Variants in PCDH9 observed in about 807,000 individuals in gnomAD.
PCDH9 encodes the protein protocadherin 9.
A neutral mutation model predicts 70.6 loss-of-function variants in PCDH9; 24 were observed. The ratio of observed to expected loss-of-function variants is 0.34; its 90% CI spans 0.25 to 0.48. The LOEUF is 0.48. PCDH9 is among the 20% of genes least tolerant of loss of function. The pLI is 0.99. For synonymous variants in PCDH9, 562 were observed against 558.5 expected (o/e 1.01, Z -0.09); for missense variants, 1,281 against 1,503.6 (o/e 0.85, Z 2.45).
intron 3 of PCDH9, among the ~76,000 whole-genome samples, chr13:66,829,132 C>G (rs946396238): frequency 6.6e-5 from 10 of 152,034 alleles, no homozygotes; most frequent in Non-Finnish European, 1.2e-4. Context: ...ATTCTCCTGC[C>G]GCAGCTTCCC....
intron 4 of PCDH9, among the ~76,000 whole-genome samples, chr13:66,603,394 T>A (rs1313910730): frequency 6.6e-6 from 1 of 152,030 alleles, no homozygotes; most frequent in South Asian, 2.1e-4. Flanking sequence ...ACATTTAGCA[T>A]CATCTTTCTA....
At chr13:67,029,774 T>C (rs963851883) in intron 2 of PCDH9, among the ~76,000 whole-genome samples, 4 of 152,200 alleles carry the variant, frequency 2.6e-5, no homozygotes, top group Admixed American at 2.6e-4. Context: ...CTCATTACTC[T>C]CCATTTTTCT....
At chr13:66,367,588 T>G (rs1470509500) in intron 4 of PCDH9, among the ~76,000 whole-genome samples, 1 of 151,876 alleles carries the variant, frequency 6.6e-6, no homozygotes, top group African/African-American at 2.4e-5. Context: ...AGGTGGCCAG[T>G]GGGAGGAAAA....
intron 2 of PCDH9, among the ~76,000 whole-genome samples, chr13:66,972,333 A>G (rs1156670048): frequency 6.6e-6 from 1 of 151,986 alleles, no homozygotes; most frequent in Admixed American, 6.6e-5. Context: ...CACAAATAGT[A>G]GTAGAAGAGG....
intron 2 of PCDH9, among the ~76,000 whole-genome samples, chr13:66,920,170 T>C (rs2082616954): frequency 6.6e-6 from 1 of 151,174 alleles, no homozygotes; most frequent in Admixed American, 6.6e-5. Context: ...AACCCACACA[T>C]TTTAAGACAT....
chr13:66,856,670 A>G (rs1387573958), intron 3 of PCDH9, among the ~76,000 whole-genome samples: 1 of 152,010 alleles, frequency 6.6e-6, no homozygotes, highest in East Asian at 1.9e-4. Flanking sequence ...GAGGCCCACA[A>G]ATTAGTAGGC....
intron 3 of PCDH9, among the ~76,000 whole-genome samples, chr13:66,752,243 T>C (rs914372261): frequency 7.2e-5 from 11 of 152,232 alleles, no homozygotes; most frequent in African/African-American, 2.4e-4. Flanking sequence ...GTCTAGTATA[T>C]GTCATGTCTT....
intron 4 of PCDH9, among the ~76,000 whole-genome samples, chr13:66,610,748 T>TCATGTTAC (rs1236297142): frequency 1.3e-5 from 2 of 152,196 alleles, no homozygotes; most frequent in African/African-American, 4.8e-5. Flanking sequence ...GCACCTTCTT[T>TCATGTTAC]CATGTTACGT....
intron 4 of PCDH9, among the ~76,000 whole-genome samples, chr13:66,562,486 C>T (rs1338334639): frequency 6.6e-6 from 1 of 152,140 alleles, no homozygotes; most frequent in Admixed American, 6.5e-5. Flanking sequence ...GGGGAGGCCT[C>T]ACAATCATGG....
intron 4 of PCDH9, among the ~76,000 whole-genome samples, chr13:66,492,008 T>G (rs1239159423): frequency 6.6e-6 from 1 of 152,098 alleles, no homozygotes; most frequent in Non-Finnish European, 1.5e-5. Flanking sequence ...AAAGTTTGGT[T>G]CTCAAATGGG....
intron 2 of PCDH9, among the ~76,000 whole-genome samples, chr13:67,034,126 AG>A (rs1481683776): frequency 6.6e-6 from 1 of 152,082 alleles, no homozygotes; most frequent in African/African-American, 2.4e-5. Flanking sequence ...CTGGGATTAC[AG>A]GTGCATGCCA....
intron 3 of PCDH9, among the ~76,000 whole-genome samples, chr13:66,875,893 C>T (rs1468680253): frequency 3.3e-5 from 5 of 152,132 alleles, no homozygotes; most frequent in Non-Finnish European, 7.3e-5. Flanking sequence ...ACACATGTTA[C>T]GTGTCAGGCA....
chr13:66,924,538 A>G (rs1330309291), intron 2 of PCDH9, among the ~76,000 whole-genome samples: 1 of 151,754 alleles, frequency 6.6e-6, no homozygotes, highest in African/African-American at 2.4e-5. Context: ...TAAATATACT[A>G]GAGACGTTCT....
At chr13:66,595,243 T>C (rs1275622485) in intron 4 of PCDH9, among the ~76,000 whole-genome samples, 1 of 151,616 alleles carries the variant, frequency 6.6e-6, no homozygotes, top group Non-Finnish European at 1.5e-5. Context: ...CTAACTTTTG[T>C]GGGAACCTTG....
chr13:67,082,845 G>C (rs1257496674), intron 2 of PCDH9, among the ~76,000 whole-genome samples: 2 of 152,062 alleles, frequency 1.3e-5, no homozygotes, highest in African/African-American at 4.8e-5. Flanking sequence ...ATTTGTAAAG[G>C]ATAGACCAAA....
At chr13:67,010,894 G>C (rs566695004) in intron 2 of PCDH9, among the ~76,000 whole-genome samples, 1 of 151,982 alleles carries the variant, frequency 6.6e-6, no homozygotes, top group African/African-American at 2.4e-5. Context: ...TAGATATTTA[G>C]TTCTATTTTT....
At chr13:66,959,245 T>G (rs1015085769) in intron 2 of PCDH9, among the ~76,000 whole-genome samples, 3 of 152,186 alleles carry the variant, frequency 2.0e-5, no homozygotes, top group African/African-American at 7.2e-5. Context: ...TCCAAAAATC[T>G]TAAATGAATT....
rs551537851 is a variant in PCDH9, at chr13:66,986,055, A to G, written c.3037-82450T>C. 2.0e-5 allele frequency among the ~76,000 whole-genome samples: 3 copies of G among 152,182 alleles called. No individual in the cohort carries two copies. The South Asian group carries it at 6.2e-4, about 31-fold the overall frequency. ...GAGACTGGGTAATTAATTTTAAAAA[A>G]GGTTAAATGACTCATAGTTCTGCAT... On this transcript the variant is annotated intron_variant, in intron 2 of 4. Transcript: ENST00000377865.
rs116437333 is a variant in PCDH9 at position 66,986,002 on chromosome 13, G to T, written c.3037-82397C>A. Among the ~76,000 whole-genome samples, 714 of 152,072 alleles carry T rather than the reference G, an allele frequency of 4.7e-3. 4 individuals are homozygous for T. Among genetic ancestry groups the T allele is most frequent in the African/African-American group, 0.016 (679 of 41,514 alleles). On this transcript the variant is annotated intron_variant, in intron 2 of 4. Transcript: ENST00000377865. Reference sequence around the variant, plus strand: ...TTTTAGTGGTGAGGTGTATTAGTCTGTTCTCATGCTACTATAAAGAGCTGC... The same window carrying T: ...TTTTAGTGGTGAGGTGTATTAGTCTTTTCTCATGCTACTATAAAGAGCTGC...
Sources: allele counts gnomAD v4.1 joint callset (sites outside exome capture counted in the v4.1 genomes callset), GRCh38; gene constraint gnomAD v4.1.1; transcripts MANE v1.5; gene names NCBI Gene and HGNC (gene_info 2026-07-23, HGNC 2026-07-21).